IFT122: variants seen among roughly 807,000 people sequenced by gnomAD.
IFT122 encodes the protein intraflagellar transport protein 122 homolog.
A neutral mutation model predicts 161.6 loss-of-function variants in IFT122; 118 were observed. The ratio of observed to expected loss-of-function variants is 0.73; its 90% CI spans 0.63 to 0.85. IFT122 has a LOEUF of 0.85. IFT122 is among the 40% of genes least tolerant of loss of function. The pLI is 0.00. For missense variants in IFT122, 1,381 were observed against 1,579.6 expected (o/e 0.87, Z 2.13); for synonymous variants, 550 against 602.4 (o/e 0.91, Z 1.27).
chr3:129,519,045 G>T (rs1038698747), intron 27 of IFT122, 62 bp from the exon 28 acceptor site: 1 of 1,389,496 alleles, frequency 7.2e-7, no homozygotes, highest in African/African-American at 1.4e-5. Flanking sequence ...GGGGTGTAGG[G>T]TGGAGGCTAG....
chr3:129,471,663 A>T (rs1466974227), intron 9 of IFT122, among the ~76,000 whole-genome samples: 1 of 152,208 alleles, frequency 6.6e-6, no homozygotes, highest in African/African-American at 2.4e-5. Context: ...ACCTGCTGAG[A>T]TGGTAACCCC....
rs936971152 is a variant in IFT122, at chr3:129,504,197, C to T, written c.2548-122C>T. The T allele has an allele frequency of 1.9e-5, 15 of 809,844 alleles. No homozygotes were observed. In the Admixed American group the frequency reaches 2.8e-4, roughly 15 times the overall value. 50.2% of individuals were successfully genotyped at this position (809,844 alleles called of 1,614,324 possible). On this transcript the variant is annotated intron_variant, in intron 20 of 29. Coordinates refer to ENST00000348417, the MANE Select transcript of IFT122 (RefSeq NM_052989.3). ...TGGGTAGTTTTTTGGGGGAGGCACTCTCCCCCTCTGAGTTGTCAGGCTGGC... is the reference window on the plus strand; with the variant it reads ...TGGGTAGTTTTTTGGGGGAGGCACTTTCCCCCTCTGAGTTGTCAGGCTGGC...
chr3:129,499,671 C>T (rs1413338786), intron 18 of IFT122, among the ~76,000 whole-genome samples: 1 of 152,188 alleles, frequency 6.6e-6, no homozygotes, highest in Non-Finnish European at 1.5e-5. Context: ...TGGGGGCCAG[C>T]GTCCCTGATG....
intron 3 of IFT122, among the ~76,000 whole-genome samples, chr3:129,455,957 A>T (rs1366379506): frequency 6.6e-6 from 1 of 151,966 alleles, no homozygotes; most frequent in Non-Finnish European, 1.5e-5. Flanking sequence ...TGCCAGGGAG[A>T]CAGAGGCAAA....
intron 25 of IFT122, 22 bp downstream of exon 25, chr3:129,514,576 G>A (rs1229882811): frequency 6.2e-7 from 1 of 1,614,026 alleles, no homozygotes; most frequent in South Asian, 1.1e-5. Flanking sequence ...GCACCCTTGG[G>A]CAGGTGGCTT....
chr3:129,445,354 CAG>C (rs2073867471), intron 1 of IFT122, among the ~76,000 whole-genome samples: 1 of 152,056 alleles, frequency 6.6e-6, no homozygotes. Flanking sequence ...AACAAAAAAA[CAG>C]ATTGCCTTGG....
In IFT122 at chr3:129,506,396, A is replaced by G; in HGVS notation, c.2651-13A>G. 6.2e-7 allele frequency: 1 copy of G among 1,613,080 alleles called. No individual in the cohort carries two copies. The highest frequency in any genetic ancestry group is 8.5e-7 in the Non-Finnish European group (1 of 1,179,918). On this transcript the variant is annotated splice_polypyrimidine_tract_variant and intron_variant, in intron 21 of 29. Transcript: ENST00000348417. ...TAGCATGTGCTTTTTTCCTCCCTCC[A>G]CCACTCCTACAGCGTTCCACAAGGC...
At chr3:129,456,463 C>T (rs1226058072) in intron 3 of IFT122, among the ~76,000 whole-genome samples, 2 of 151,958 alleles carry the variant, frequency 1.3e-5, no homozygotes, top group African/African-American at 4.8e-5. Flanking sequence ...ACAGTGAAAC[C>T]TCGTCTGTAC....
At chr3:129,453,824 T>G (rs563621387) in intron 3 of IFT122, among the ~76,000 whole-genome samples, 1 of 151,316 alleles carries the variant, frequency 6.6e-6, no homozygotes, top group South Asian at 2.1e-4. Context: ...TAAATCCATG[T>G]TGTCCCACAG....
chr3:129,456,409 C>T (rs771274268), intron 3 of IFT122: 7 of 506,018 alleles, frequency 1.4e-5, no homozygotes, highest in Non-Finnish European at 2.1e-5. Flanking sequence ...GAAGCCAAGG[C>T]GGGTGGATCA....
In IFT122 at chr3:129,451,947, C is replaced by G. The variant is rs762675174; in HGVS notation, c.142C>G (p.Pro48Ala). 1.2e-6 allele frequency: 2 copies of G among 1,614,026 alleles called. No individual in the cohort carries two copies. Among genetic ancestry groups the G allele is most frequent in the South Asian group, 2.2e-5 (2 of 91,080 alleles). Residue 48 changes from proline (P) to alanine (A), a missense_variant, in exon 3 of 30, where the codon CCC becomes GCC. Physicochemically the swap from Pro to Ala is conservative, Grantham distance 27 (BLOSUM62 -1). Transcript: ENST00000348417. ...CACCTCTGATGGCACCTTACTTCAG[C>G]CCCTCAAGGGACACAAAGACACTGT... ...YDTSDGTLLQ[P>A]LKGHKDTVYC...
chr3:129,485,760 G>T (rs1186119857), intron 15 of IFT122, among the ~76,000 whole-genome samples: 1 of 152,260 alleles, frequency 6.6e-6, no homozygotes, highest in Non-Finnish European at 1.5e-5. Context: ...CCTCTGCCAG[G>T]ACTTTAAGAT....
rs1253551391 is a variant in IFT122 at position 129,517,049 on chromosome 3, A to G, written c.3266-420A>G. On this transcript the variant is annotated intron_variant, in intron 26 of 29. Coordinates refer to ENST00000348417, the MANE Select transcript of IFT122 (RefSeq NM_052989.3). Reference sequence around the variant, plus strand: ...ACACAGATTGCTCCTGCACACACACACACACACACACAGACTGCCCCTGCA... The same window carrying G: ...ACACAGATTGCTCCTGCACACACACGCACACACACACAGACTGCCCCTGCA... 4.5e-5 allele frequency among the ~76,000 whole-genome samples: 6 copies of G among 132,788 alleles called. No homozygotes were observed. In the East Asian group the frequency reaches 1.5e-3, roughly 32 times the overall value. 87.1% of individuals were successfully genotyped at this position (132,788 alleles called of 152,430 possible).
intron 5 of IFT122, chr3:129,463,261 A>AT: frequency 7.9e-6 from 3 of 378,744 alleles, no homozygotes; most frequent in South Asian, 4.7e-5. Context: ...TCAGCGTGAC[A>AT]CAGAACTAAG....
intron 26 of IFT122, among the ~76,000 whole-genome samples, chr3:129,516,444 CCACA>C (rs1415608030): frequency 2.4e-5 from 2 of 82,716 alleles, no homozygotes; most frequent in East Asian, 4.2e-4. Context: ...CTGCCCCTGC[CCACA>C]CACACAGAGA....
chr3:129,518,274 C>A (rs780605044), intron 27 of IFT122, among the ~76,000 whole-genome samples: 12 of 152,256 alleles, frequency 7.9e-5, no homozygotes, highest in South Asian at 6.2e-4. Context: ...CAGCCTGCCC[C>A]TTGGCCAGGA....
At chr3:129,503,824 C>T (rs939552370) in intron 20 of IFT122, among the ~76,000 whole-genome samples, 1 of 152,152 alleles carries the variant, frequency 6.6e-6, no homozygotes, top group Non-Finnish European at 1.5e-5. Context: ...CAGACTTTCT[C>T]ACCATGGCTC....
intron 5 of IFT122, 140 bp downstream of exon 5, chr3:129,461,444 G>C (rs1171594312): frequency 1.4e-6 from 1 of 723,914 alleles, no homozygotes; most frequent in Non-Finnish European, 2.5e-6. Context: ...AGGGGAGGCT[G>C]ACAGTTATTC....
intron 1 of IFT122, among the ~76,000 whole-genome samples, chr3:129,446,508 C>A (rs1455490638): frequency 6.6e-6 from 1 of 152,104 alleles, no homozygotes; most frequent in Non-Finnish European, 1.5e-5. Flanking sequence ...AGCCACCGCG[C>A]CCGGCCGACC....
Sources: allele counts gnomAD v4.1 joint callset (sites outside exome capture counted in the v4.1 genomes callset), GRCh38; gene constraint gnomAD v4.1.1; transcripts MANE v1.5; gene names NCBI Gene and HGNC (gene_info 2026-07-23, HGNC 2026-07-21).